CARMIL1: variants seen among roughly 807,000 people sequenced by gnomAD.
CARMIL1 encodes the protein F-actin-uncapping protein LRRC16A.
Under a neutral mutation model 177.1 loss-of-function variants are expected in CARMIL1, and 90 were observed. That is an observed-to-expected ratio of 0.51 (90% CI 0.43 to 0.61). CARMIL1 has a LOEUF of 0.61. CARMIL1 is among the 20% of genes least tolerant of loss of function. The probability of loss-of-function intolerance (pLI) is 0.00; values close to 1 mark genes in which losing one functional copy is unlikely to be tolerated. For synonymous variants in CARMIL1, 577 were observed against 606.2 expected (o/e 0.95, Z 0.71); for missense variants, 1,380 against 1,667.0 (o/e 0.83, Z 3.00).
chr6:25,409,934 G>A (rs77551782), intron 2 of CARMIL1, among the ~76,000 whole-genome samples: 12,744 of 152,102 alleles, frequency 0.084, 726 homozygotes, highest in South Asian at 0.18. Context: ...GAGAAGCACC[G>A]CTGTAAATTA....
intron 2 of CARMIL1, among the ~76,000 whole-genome samples, chr6:25,354,330 A>AC (rs1788374069): frequency 1.2e-5 from 1 of 80,562 alleles, no homozygotes; most frequent in Non-Finnish European, 2.4e-5. Flanking sequence ...GACTAATTAA[A>AC]TTTTTTTTTT....
chr6:25,406,525 G>A (rs757131314), intron 2 of CARMIL1, among the ~76,000 whole-genome samples: 2 of 152,178 alleles, frequency 1.3e-5, no homozygotes, highest in Non-Finnish European at 2.9e-5. Flanking sequence ...CTGTTAGAAG[G>A]CTATTGCAAG....
chr6:25,382,906 A>G (rs1405734138), intron 2 of CARMIL1, among the ~76,000 whole-genome samples: 1 of 152,200 alleles, frequency 6.6e-6, no homozygotes, highest in African/African-American at 2.4e-5. Flanking sequence ...AAGTGCTGGG[A>G]TTACAGGCAT....
Position 25,279,376 on chromosome 6 carries a change from C to T in CARMIL1, c.-420C>T, listed in dbSNP as rs1780882160. On this transcript the variant is annotated 5_prime_UTR_variant, in exon 1 of 37. Coordinates refer to ENST00000329474, the MANE Select transcript of CARMIL1 (RefSeq NM_017640.6). ...CCCCGCCCCGCGCCGCTCTCCCCGC[C>T]CTCTCCCACGCCTTCCGCTTTCACC... The T allele has an allele frequency of 7.2e-6, 2 of 277,872 alleles. No individual in the cohort carries two copies. The highest frequency in any genetic ancestry group is 1.4e-5 in the Non-Finnish European group (2 of 145,658). The allele number at this position is 277,872 out of a possible 1,614,324, so 17.2% of individuals were successfully genotyped here.
intron 2 of CARMIL1, among the ~76,000 whole-genome samples, chr6:25,305,398 A>T (rs1301878903): frequency 6.6e-6 from 1 of 152,194 alleles, no homozygotes; most frequent in African/African-American, 2.4e-5. Flanking sequence ...CTCCTTTCAG[A>T]GTCCTCCTTT....
chr6:25,501,189 G>A (rs990285004), intron 17 of CARMIL1, among the ~76,000 whole-genome samples: 2 of 152,042 alleles, frequency 1.3e-5, no homozygotes, highest in African/African-American at 4.8e-5. Flanking sequence ...AACATGTCAA[G>A]CTTTATCCCT....
At chr6:25,589,598 C>T (rs1198708305) in intron 31 of CARMIL1, among the ~76,000 whole-genome samples, 1 of 152,108 alleles carries the variant, frequency 6.6e-6, no homozygotes, top group African/African-American at 2.4e-5. Context: ...AGTGATCCTC[C>T]CACCTCAGTC....
chr6:25,403,187 C>A (rs903120765), intron 2 of CARMIL1, among the ~76,000 whole-genome samples: 4 of 151,432 alleles, frequency 2.6e-5, no homozygotes, highest in Admixed American at 6.6e-5. Context: ...GTAATTATTT[C>A]ATGGGTGTAA....
intron 8 of CARMIL1, among the ~76,000 whole-genome samples, chr6:25,454,052 C>G (rs1799249626): frequency 6.6e-6 from 1 of 152,194 alleles, no homozygotes; most frequent in Non-Finnish European, 1.5e-5. Context: ...CCACTAAATA[C>G]AGTTACCTGA....
intron 29 of CARMIL1, among the ~76,000 whole-genome samples, chr6:25,560,725 C>T (rs530342718): frequency 6.6e-6 from 1 of 152,144 alleles, no homozygotes; most frequent in Non-Finnish European, 1.5e-5. Flanking sequence ...TATGGTATTT[C>T]TTACAAAAGG....
chr6:25,303,261 T>A (rs900691887), intron 2 of CARMIL1, among the ~76,000 whole-genome samples: 2 of 152,196 alleles, frequency 1.3e-5, no homozygotes, highest in Non-Finnish European at 2.9e-5. Context: ...TATTATTTTT[T>A]AAAAGTAAAA....
chr6:25,613,822 CAG>C (rs1261707613), intron 36 of CARMIL1, among the ~76,000 whole-genome samples: 1 of 152,168 alleles, frequency 6.6e-6, no homozygotes, highest in African/African-American at 2.4e-5. Flanking sequence ...TAAACCATAT[CAG>C]GGGTTAATAG....
At chr6:25,601,026 C>T (rs1010283881) in intron 33 of CARMIL1, among the ~76,000 whole-genome samples, 1 of 152,178 alleles carries the variant, frequency 6.6e-6, no homozygotes, top group Non-Finnish European at 1.5e-5. Context: ...CATCTCCCCC[C>T]ATGTCCCCAC....
intron 2 of CARMIL1, among the ~76,000 whole-genome samples, chr6:25,379,561 G>A (rs916386035): frequency 2.0e-5 from 3 of 152,294 alleles, no homozygotes; most frequent in South Asian, 2.1e-4. Context: ...TTTGCATTGA[G>A]CAGAGGTAGT....
At chr6:25,388,447 A>G (rs186439441) in intron 2 of CARMIL1, among the ~76,000 whole-genome samples, 18 of 151,556 alleles carry the variant, frequency 1.2e-4, no homozygotes, top group Non-Finnish European at 2.5e-4. Context: ...GCTCACTGCA[A>G]CCTCCGCCTC....
At chr6:25,496,016 T>C (rs2151008970) in intron 16 of CARMIL1, among the ~76,000 whole-genome samples, 1 of 152,300 alleles carries the variant, frequency 6.6e-6, no homozygotes, top group East Asian at 1.9e-4. Flanking sequence ...ATTTTTCCCT[T>C]GTAATGTGTA....
intron 29 of CARMIL1, among the ~76,000 whole-genome samples, chr6:25,565,917 G>T (rs1811518623): frequency 6.6e-6 from 1 of 152,188 alleles, no homozygotes; most frequent in Non-Finnish European, 1.5e-5. Context: ...CCAATTAGCT[G>T]TTCAAAAAGT....
intron 24 of CARMIL1, among the ~76,000 whole-genome samples, chr6:25,536,683 A>G (rs895311081): frequency 1.3e-5 from 2 of 152,186 alleles, no homozygotes; most frequent in Admixed American, 6.5e-5. Context: ...TGCTACAGCA[A>G]GTAGACATGG....
At chr6:25,573,571 C>A (rs114831877) in intron 29 of CARMIL1, among the ~76,000 whole-genome samples, 1 of 75,092 alleles carries the variant, frequency 1.3e-5, no homozygotes, top group Non-Finnish European at 2.7e-5. Flanking sequence ...AATAAGAAAA[C>A]GGAGGGTTTA....
Sources: allele counts gnomAD v4.1 joint callset (sites outside exome capture counted in the v4.1 genomes callset), GRCh38; gene constraint gnomAD v4.1.1; transcripts MANE v1.5; gene names NCBI Gene and HGNC (gene_info 2026-07-23, HGNC 2026-07-21).